The following RIF1 variants were observed in gnomAD, a reference collection of about 807,000 sequenced individuals.
RIF1 encodes telomere-associated protein RIF1.
RIF1 carries 45 observed loss-of-function variants against 247.1 expected under a neutral mutation model. The ratio of observed to expected loss-of-function variants is 0.18; its 90% CI spans 0.14 to 0.23. The LOEUF is 0.23. Ranked by LOEUF, RIF1 falls within the 10% of genes least tolerant of loss-of-function variation. The probability of loss-of-function intolerance (pLI) is 1.00; values close to 1 mark genes in which losing one functional copy is unlikely to be tolerated. For synonymous variants in RIF1, 1,087 were observed against 978.8 expected (o/e 1.11, Z -2.06); for missense variants, 2,967 against 2,862.5 (o/e 1.04, Z -0.83).
the RIF1 span, chr2:151,524,498 T>A: frequency 6.2e-7 from 1 of 1,613,700 alleles, no homozygotes; most frequent in Non-Finnish European, 8.5e-7. Flanking sequence ...CTGGGGACAT[T>A]TTCATGACAC....
intron 22 of RIF1, among the ~76,000 whole-genome samples, chr2:151,456,310 A>AAATGCCT (rs1308441441): frequency 6.6e-6 from 1 of 152,212 alleles, no homozygotes; most frequent in Non-Finnish European, 1.5e-5. Context: ...TAATGCCTAA[A>AAATGCCT]AGAAATGTAC....
intron 9 of RIF1, among the ~76,000 whole-genome samples, chr2:151,431,354 C>T (rs1301103073): frequency 6.6e-6 from 1 of 152,220 alleles, no homozygotes; most frequent in Admixed American, 6.5e-5. Flanking sequence ...TAGAATGGCT[C>T]AGTGGCCGAC....
At chr2:151,508,722 C>A (rs2153222056), downstream of RIF1, among the ~76,000 whole-genome samples, 1 of 152,328 alleles carries the variant, frequency 6.6e-6, no homozygotes, top group South Asian at 2.1e-4. Flanking sequence ...AACAGACACA[C>A]CTGGAGCACT....
chr2:151,427,940 C>A (rs1278904489), intron 8 of RIF1, among the ~76,000 whole-genome samples: 2 of 152,170 alleles, frequency 1.3e-5, no homozygotes, highest in Admixed American at 6.5e-5. Context: ...ACCTATAATC[C>A]CAGCTACTTG....
intron 30 of RIF1, 77 bp from the exon 31 acceptor site, chr2:151,467,923 C>A: frequency 7.1e-7 from 1 of 1,398,872 alleles, no homozygotes; most frequent in Non-Finnish European, 9.7e-7. Flanking sequence ...TTTTGGGTAA[C>A]CTCATAATGA....
downstream of RIF1, among the ~76,000 whole-genome samples, chr2:151,509,903 C>G (rs921529569): frequency 1.3e-5 from 2 of 152,152 alleles, no homozygotes; most frequent in Non-Finnish European, 2.9e-5. Context: ...CCACTGCGCC[C>G]GACCAAGAGT....
chr2:151,457,989 C>CATAT, intron 24 of RIF1, 26 bp downstream of exon 24: 1 of 1,487,494 alleles, frequency 6.7e-7, no homozygotes, highest in Non-Finnish European at 9.4e-7. Context: ...AACTTATATA[C>CATAT]AACTAACTAT....
chr2:151,518,992 G>A, the RIF1 span: 1 of 1,613,386 alleles, frequency 6.2e-7, no homozygotes, highest in Non-Finnish European at 8.5e-7. Flanking sequence ...TTGTATTCAG[G>A]ACATGATTCA....
chr2:151,416,749 A>G (rs1454097513), intron 5 of RIF1, 58 bp from the exon 6 acceptor site: 1 of 1,601,450 alleles, frequency 6.2e-7, no homozygotes, highest in Non-Finnish European at 8.5e-7. Context: ...AAAAACTATA[A>G]TGCCAATAAA....
chr2:151,419,329 T>TA (rs1404193605), intron 6 of RIF1, among the ~76,000 whole-genome samples: 52 of 152,298 alleles, frequency 3.4e-4, no homozygotes, highest in African/African-American at 1.2e-3. Context: ...TTTGTTTTTT[T>TA]ATTACTATTT....
chr2:151,490,506 C>T lies in RIF1; in HGVS notation c.*416-4723C>T, dbSNP rs139333406. On this transcript the variant is annotated intron_variant and NMD_transcript_variant, in intron 9 of 13. Transcript: ENST00000454583. ...AGATCGTGACTGCTCCCGGCTCCGG[C>T]GCTGAGCTTGGACTGGGAGAGATGC... 672 of 1,608,998 alleles carry T rather than the reference C, an allele frequency of 4.2e-4. 11 individuals carry two copies. The East Asian group carries it at 0.014, about 33-fold the overall frequency.
chr2:151,494,210 A>T (rs1436337017), intron 9 of RIF1: 2 of 1,608,324 alleles, frequency 1.2e-6, no homozygotes, highest in South Asian at 2.2e-5. Flanking sequence ...CTCAGGAGTG[A>T]CAGGGGTTGC....
chr2:151,417,596 ACT>A (rs1444560659), intron 6 of RIF1, among the ~76,000 whole-genome samples: 1 of 152,150 alleles, frequency 6.6e-6, no homozygotes, highest in Non-Finnish European at 1.5e-5. Flanking sequence ...ACATGTACAG[ACT>A]CTGATTTTCT....
chr2:151,516,817 CAA>C, the RIF1 span, among the ~76,000 whole-genome samples: 2 of 152,120 alleles, frequency 1.3e-5, no homozygotes. Flanking sequence ...GAATCATTGA[CAA>C]GAGCCAGCTG....
chr2:151,428,314 T>C (rs1393577391), intron 8 of RIF1, among the ~76,000 whole-genome samples: 2 of 152,248 alleles, frequency 1.3e-5, no homozygotes, highest in African/African-American at 4.8e-5. Context: ...TTTTAAAAAA[T>C]ATTTCTTTTA....
the RIF1 span, among the ~76,000 whole-genome samples, chr2:151,524,133 A>G: frequency 6.6e-6 from 1 of 152,226 alleles, no homozygotes; most frequent in Non-Finnish European, 1.5e-5. Flanking sequence ...AAAGGTCTAG[A>G]CAGCTTAGAG....
chr2:151,485,230 T>A (rs1387594381), downstream of RIF1: 4 of 152,382 alleles, frequency 2.6e-5, no homozygotes, highest in Middle Eastern at 3.4e-3. Context: ...GTACATTTTT[T>A]AAATTTAGAT....
chr2:151,512,611 G>GC, downstream of RIF1: 2 of 789,564 alleles, frequency 2.5e-6, no homozygotes, highest in Non-Finnish European at 4.3e-6. Context: ...ACTGCACCTG[G>GC]TGAATCTCTT....
At chr2:151,496,693 C>T (rs2060450790) in intron 10 of RIF1, among the ~76,000 whole-genome samples, 1 of 151,726 alleles carries the variant, frequency 6.6e-6, no homozygotes, top group African/African-American at 2.4e-5. Context: ...GTGTTGTTAT[C>T]CACACAAACG....
Sources: allele counts gnomAD v4.1 joint callset (sites outside exome capture counted in the v4.1 genomes callset), GRCh38; gene constraint gnomAD v4.1.1; transcripts MANE v1.5; gene names NCBI Gene and HGNC (gene_info 2026-07-23, HGNC 2026-07-21).